The following CHD1 variants were observed in gnomAD, a reference collection of about 807,000 sequenced individuals.
CHD1 encodes the protein chromodomain helicase DNA binding protein 1, also known as ATP-dependent chromatin remodeler CHD1.
Under a neutral mutation model 224.2 loss-of-function variants are expected in CHD1, and 36 were observed. The observed-to-expected ratio is 0.16, with a 90% confidence interval of 0.12 to 0.21. The LOEUF (loss-of-function observed/expected upper bound fraction) is 0.21, where lower values mean the gene tolerates loss of function less well. Ranked by LOEUF, CHD1 falls within the 10% of genes least tolerant of loss-of-function variation. The pLI, the probability that CHD1 is intolerant of heterozygous loss-of-function variation, is 1.00. For synonymous variants in CHD1, 668 were observed against 658.3 expected (o/e 1.01, Z -0.23); for missense variants, 1,378 against 1,994.8 (o/e 0.69, Z 5.89).
chr5:98,901,372 TTA>T (rs1218383954), intron 5 of CHD1, 37 bp from the exon 6 acceptor site: 2 of 1,549,714 alleles, frequency 1.3e-6, no homozygotes, highest in Non-Finnish European at 8.7e-7. Flanking sequence ...TTATTTGTAC[TTA>T]TATGGCAAGT....
chr5:98,880,263 CG>C (rs1580407300), intron 22 of CHD1, among the ~76,000 whole-genome samples: 1 of 152,170 alleles, frequency 6.6e-6, no homozygotes, highest in Non-Finnish European at 1.5e-5. Flanking sequence ...CACAGCCGGG[CG>C]AAGTGGCTCA....
chr5:98,896,463 T>A (rs376614850), intron 11 of CHD1, 21 bp from the exon 12 acceptor site: 1 of 1,535,898 alleles, frequency 6.5e-7, no homozygotes, highest in Non-Finnish European at 9.0e-7. Context: ...AAAAAAAAAT[T>A]AGCATGCAAG....
intron 15 of CHD1, among the ~76,000 whole-genome samples, chr5:98,891,805 C>T (rs1034500639): frequency 3.3e-5 from 5 of 151,928 alleles, no homozygotes; most frequent in East Asian, 1.9e-4. Flanking sequence ...AGGGAGACTC[C>T]GTCTCAAAAA....
At chr5:98,903,613 A>C (rs1751863413) in intron 4 of CHD1, among the ~76,000 whole-genome samples, 179 bp downstream of exon 4, 1 of 152,214 alleles carries the variant, frequency 6.6e-6, no homozygotes, top group Non-Finnish European at 1.5e-5. Context: ...ATTAATCCCT[A>C]AAATTGGAAT....
chr5:98,878,139 A>G (rs1240223576), intron 23 of CHD1, among the ~76,000 whole-genome samples: 2 of 152,192 alleles, frequency 1.3e-5, no homozygotes, highest in African/African-American at 4.8e-5. Flanking sequence ...CTAACAGCCA[A>G]AACTCGGAGG....
At chr5:98,866,611 A>C (rs1432470865) in intron 31 of CHD1, among the ~76,000 whole-genome samples, 4 of 152,196 alleles carry the variant, frequency 2.6e-5, no homozygotes, top group African/African-American at 9.6e-5. Context: ...CCCAAGTCTA[A>C]CAAGTGACTG....
chr5:98,892,992 T>C (rs1399407983), intron 14 of CHD1, among the ~76,000 whole-genome samples: 1 of 152,100 alleles, frequency 6.6e-6, no homozygotes, highest in Non-Finnish European at 1.5e-5. Context: ...CTCAAAAAAA[T>C]ATACTTTTAA....
chr5:98,883,044 G>C, intron 19 of CHD1, 44 bp downstream of exon 19: 3 of 1,072,144 alleles, frequency 2.8e-6, no homozygotes, highest in Non-Finnish European at 2.5e-6. Flanking sequence ...AAAAAAAAAA[G>C]AATTCTAAAA....
chr5:98,865,225 A>T (rs529894466), intron 31 of CHD1, among the ~76,000 whole-genome samples: 123 of 152,354 alleles, frequency 8.1e-4, no homozygotes, highest in Non-Finnish European at 1.5e-3. Flanking sequence ...CATGTTTTTT[A>T]AAAAAGTATG....
Position 98,863,150 on chromosome 5 carries a change from T to A in CHD1, c.4427+258A>T, listed in dbSNP as rs538885642. On this transcript the variant is annotated intron_variant, in intron 32 of 35. Coordinates refer to ENST00000614616, the MANE Select transcript of CHD1 (RefSeq NM_001270.4). Reference sequence around the variant, plus strand: ...AAAGACTTTTTCAAATAAAATGCAATCTGAATTTTAATGAAACAGCTTTCA... The same window carrying A: ...AAAGACTTTTTCAAATAAAATGCAAACTGAATTTTAATGAAACAGCTTTCA... Among the ~76,000 whole-genome samples the A allele has an allele frequency of 5.9e-5, 9 of 152,188 alleles. No homozygotes were observed. In the East Asian group the frequency reaches 1.3e-3, roughly 23 times the overall value.
intron 32 of CHD1, among the ~76,000 whole-genome samples, chr5:98,862,062 T>C (rs567558930): frequency 1.3e-5 from 2 of 151,968 alleles, no homozygotes; most frequent in African/African-American, 4.8e-5. Context: ...GAGACTGAGG[T>C]GGAAGGATAG....
intron 19 of CHD1, among the ~76,000 whole-genome samples, 175 bp from the exon 20 acceptor site, chr5:98,882,298 G>A (rs1026559412): frequency 1.3e-5 from 2 of 151,626 alleles, no homozygotes; most frequent in South Asian, 4.2e-4. Flanking sequence ...TCAACTTAAG[G>A]GACTATTTTG....
intron 2 of CHD1, among the ~76,000 whole-genome samples, chr5:98,915,094 T>G (rs571143237): frequency 6.6e-6 from 1 of 152,222 alleles, no homozygotes; most frequent in African/African-American, 2.4e-5. Flanking sequence ...CCATGACCTA[T>G]ATAATACATT....
chr5:98,902,947 T>C lies in CHD1; in HGVS notation c.390A>G (p.Glu130=). The C allele has an allele frequency of 6.2e-7, 1 of 1,601,322 alleles. No homozygotes were observed. The highest frequency in any genetic ancestry group is 8.5e-7 in the Non-Finnish European group (1 of 1,170,322). Residue 130 remains glutamate (E), a synonymous_variant, in exon 5 of 36, where the codon GAA becomes GAG. Transcript: ENST00000614616. ...CCTCACTTGATGAGTCATCGGAATC[T>C]TCACTGCTAGAGGAATCCTGTAGAA... ...SGSEEDSSSS[E]DSDDSSSEVK... is the part of the protein sequence containing the mutation.
At chr5:98,862,812 G>A (rs1341285310) in intron 32 of CHD1, among the ~76,000 whole-genome samples, 2 of 152,160 alleles carry the variant, frequency 1.3e-5, no homozygotes, top group Non-Finnish European at 2.9e-5. Flanking sequence ...TTATTTAAAA[G>A]AGAAGTTGCC....
intron 31 of CHD1, 36 bp downstream of exon 31, chr5:98,868,459 G>T: frequency 6.5e-7 from 1 of 1,527,022 alleles, no homozygotes; most frequent in South Asian, 1.2e-5. Flanking sequence ...AATGTTTTAT[G>T]AGTTAATACT....
chr5:98,920,154 A>G (rs1420953915), intron 2 of CHD1, among the ~76,000 whole-genome samples: 2 of 152,174 alleles, frequency 1.3e-5, no homozygotes, highest in Non-Finnish European at 2.9e-5. Flanking sequence ...TTACAACTCA[A>G]AGCACATACA....
At chr5:98,894,816 A>T in intron 12 of CHD1, 130 bp from the exon 13 acceptor site, 1 of 452,060 alleles carries the variant, frequency 2.2e-6, no homozygotes, top group Non-Finnish European at 4.1e-6. Context: ...GTAATAAAAG[A>T]GTTTTTGTGG....
Position 98,902,913 on chromosome 5 carries a change from T to C in CHD1, c.424A>G (p.Lys142Glu), listed in dbSNP as rs1285559356. 6.2e-7 allele frequency: 1 copy of C among 1,601,618 alleles called. No homozygotes were observed. The highest frequency in any genetic ancestry group is 1.3e-5 in the African/African-American group (1 of 74,616). Residue 142 changes from lysine (K) to glutamate (E), a missense_variant, in exon 5 of 36, where the codon AAA becomes GAA. Lys to Glu is a moderately conservative substitution (Grantham distance 56). Coordinates refer to ENST00000614616, the MANE Select transcript of CHD1 (RefSeq NM_001270.4). ...AAAATGACATACTCTTTATGCTTTT[T>C]CCTTTTGACCTCACTTGATGAGTCA... ...SDDSSSEVKRKKHKDEDWQMS... is the reference protein window; with the variant it reads ...SDDSSSEVKREKHKDEDWQMS...
Sources: allele counts gnomAD v4.1 joint callset (sites outside exome capture counted in the v4.1 genomes callset), GRCh38; gene constraint gnomAD v4.1.1; transcripts MANE v1.5; gene names NCBI Gene and HGNC (gene_info 2026-07-23, HGNC 2026-07-21).